The following IL7 variants were observed in gnomAD, a reference collection of about 807,000 sequenced individuals.
IL7 encodes the protein interleukin-7.
IL7 carries 3 observed loss-of-function variants against 21.6 expected under a neutral mutation model. The observed-to-expected ratio is 0.14, with a 90% CI of 0.06 to 0.36. IL7 has a LOEUF of 0.36. IL7 is among the 10% of genes least tolerant of loss of function. IL7 has a pLI of 1.00. For synonymous variants in IL7, 62 were observed against 68.1 expected (o/e 0.91, Z 0.44); for missense variants, 175 against 200.2 (o/e 0.87, Z 0.76).
intron 2 of IL7, among the ~76,000 whole-genome samples, chr8:78,790,799 G>T (rs1016941475): frequency 6.6e-6 from 1 of 151,296 alleles, no homozygotes; most frequent in Non-Finnish European, 1.5e-5. Flanking sequence ...ATTGTTAAAA[G>T]AAAATTTAAA....
chr8:78,757,643 C>A (rs1020064973), intron 2 of IL7, among the ~76,000 whole-genome samples: 7 of 151,954 alleles, frequency 4.6e-5, no homozygotes, highest in African/African-American at 1.7e-4. Context: ...ACATACTAGA[C>A]CTCTTTATCT....
At chr8:78,767,056 T>C (rs1210477772) in intron 2 of IL7, among the ~76,000 whole-genome samples, 1 of 152,146 alleles carries the variant, frequency 6.6e-6, no homozygotes, top group Non-Finnish European at 1.5e-5. Flanking sequence ...TCATGTTAAT[T>C]AACAATTTGC....
intron 2 of IL7, among the ~76,000 whole-genome samples, chr8:78,766,084 A>G (rs1351364392): frequency 6.6e-6 from 1 of 152,162 alleles, no homozygotes; most frequent in African/African-American, 2.4e-5. Context: ...GAAAAAGGCT[A>G]TATACAGTTT....
intron 2 of IL7, among the ~76,000 whole-genome samples, chr8:78,770,680 A>G (rs550953401): frequency 6.6e-6 from 1 of 152,012 alleles, no homozygotes; most frequent in South Asian, 2.1e-4. Flanking sequence ...CCAATATGCA[A>G]AGACACGCAC....
At chr8:78,719,846 G>T (rs1264549773) in intron 5 of IL7, 1 of 151,726 alleles carries the variant, frequency 6.6e-6, no homozygotes, top group African/African-American at 2.4e-5. Context: ...AATATTTGAA[G>T]TCAAAAATAA....
At chr8:78,689,034 C>CTTTTTTTTT (rs5892662) in intron 3 of IL7, among the ~76,000 whole-genome samples, 1 of 146,168 alleles carries the variant, frequency 6.8e-6, no homozygotes. Context: ...TACCAGCAGA[C>CTTTTTTTTT]TTTTTTTTTT....
intron 2 of IL7, among the ~76,000 whole-genome samples, chr8:78,790,907 A>G (rs1191394994): frequency 6.6e-6 from 1 of 151,102 alleles, no homozygotes; most frequent in Non-Finnish European, 1.5e-5. Context: ...TTTATGCATG[A>G]ACCAAAACAA....
At chr8:78,701,338 A>G (rs1810597028) in intron 3 of IL7, among the ~76,000 whole-genome samples, 1 of 152,122 alleles carries the variant, frequency 6.6e-6, no homozygotes, top group African/African-American at 2.4e-5. Flanking sequence ...TTGCACATTG[A>G]TTTTAGAATC....
intron 2 of IL7, among the ~76,000 whole-genome samples, chr8:78,748,539 T>C (rs539868461): frequency 2.6e-5 from 4 of 152,330 alleles, no homozygotes; most frequent in Non-Finnish European, 5.9e-5. Flanking sequence ...AATAAGCCCA[T>C]TGTAAATTCA....
At chr8:78,703,607 CT>C (rs1298693932) in intron 3 of IL7, among the ~76,000 whole-genome samples, 5 of 148,726 alleles carry the variant, frequency 3.4e-5, no homozygotes, top group African/African-American at 1.2e-4. Context: ...ACAACCCCTG[CT>C]TTTTTCTGTT....
chr8:78,761,188 T>C, intron 2 of IL7: 1 of 1,592,608 alleles, frequency 6.3e-7, no homozygotes, highest in Non-Finnish European at 8.5e-7. Context: ...TACCCCTTTC[T>C]TTACTGTTCT....
rs530439959 is a variant in IL7 at position 78,762,339 on chromosome 8, T to A, written c.148-22257A>T. The A allele has an allele frequency of 2.5e-5, 40 of 1,611,708 alleles. No homozygotes were observed. In the South Asian group the frequency reaches 4.3e-4, roughly 17 times the overall value. ...CAGTTCTCCACCCACTTCTGGCATCTGGCAGGGTCCCGCGGGAAGCTGAAG... is the reference window on the plus strand; with the variant it reads ...CAGTTCTCCACCCACTTCTGGCATCAGGCAGGGTCCCGCGGGAAGCTGAAG... On this transcript the variant is annotated intron_variant, in intron 2 of 5. Coordinates refer to ENST00000263851, the MANE Select transcript of IL7 (RefSeq NM_000880.4).
intron 2 of IL7, among the ~76,000 whole-genome samples, 167 bp from the exon 3 acceptor site, chr8:78,740,249 G>C (rs1811734793): frequency 6.6e-6 from 1 of 152,098 alleles, no homozygotes; most frequent in South Asian, 2.1e-4. Flanking sequence ...ATTTTCTATA[G>C]TTGAAGGATA....
At chr8:78,776,480 G>A (rs1381354118) in intron 2 of IL7, among the ~76,000 whole-genome samples, 1 of 151,996 alleles carries the variant, frequency 6.6e-6, no homozygotes, top group Non-Finnish European at 1.5e-5. Context: ...GGATAAGAGG[G>A]GACTAAAGTG....
downstream of IL7, among the ~76,000 whole-genome samples, chr8:78,730,022 T>C (rs963576107): frequency 6.6e-6 from 1 of 151,934 alleles, no homozygotes; most frequent in African/African-American, 2.4e-5. Flanking sequence ...AACACTTAGA[T>C]TGAAGAAAAA....
chr8:78,792,521 G>C (rs1813729811), intron 2 of IL7, among the ~76,000 whole-genome samples: 2 of 151,916 alleles, frequency 1.3e-5, no homozygotes, highest in African/African-American at 4.8e-5. Context: ...TATAATATCT[G>C]ATAAAGGTCT....
At chr8:78,770,176 G>A (rs1253310415) in intron 2 of IL7, among the ~76,000 whole-genome samples, 1 of 151,862 alleles carries the variant, frequency 6.6e-6, no homozygotes, top group Admixed American at 6.6e-5. Flanking sequence ...AAAGCCAAAT[G>A]GACTAATCTT....
In IL7 at chr8:78,701,570, G is replaced by A. The variant is rs182682227; in HGVS notation, n.215-15623C>T. On this transcript the variant is annotated intron_variant and non_coding_transcript_variant, in intron 3 of 4. Coordinates refer to the IL7 transcript ENST00000523959. ...GTGAGAAAGGGCATCTTTGTCTTGT[G>A]CCAGTTTTCAAGGGGAATGCTTCCA... Among the ~76,000 whole-genome samples the A allele has an allele frequency of 2.6e-5, 4 of 152,244 alleles. No homozygotes were observed. In the East Asian group the frequency reaches 7.7e-4, roughly 29 times the overall value.
chr8:78,774,097 A>T (rs1813053442), intron 2 of IL7, among the ~76,000 whole-genome samples: 1 of 152,140 alleles, frequency 6.6e-6, no homozygotes, highest in African/African-American at 2.4e-5. Context: ...AAAAAAACAT[A>T]TATTTGTGAG....
Sources: allele counts gnomAD v4.1 joint callset (sites outside exome capture counted in the v4.1 genomes callset), GRCh38; gene constraint gnomAD v4.1.1; transcripts MANE v1.5; gene names NCBI Gene and HGNC (gene_info 2026-07-23, HGNC 2026-07-21).